The following PUM2 variants were observed in gnomAD, a reference collection of about 807,000 sequenced individuals.
The protein encoded by PUM2 is pumilio homolog 2.
In PUM2, 57 loss-of-function variants were observed where a neutral mutation model predicts 124.5. That is an observed-to-expected ratio of 0.46 (90% CI 0.37 to 0.57). PUM2 has a LOEUF of 0.57. Ranked by LOEUF, PUM2 falls within the 20% of genes least tolerant of loss-of-function variation. PUM2 has a pLI of 0.00. For missense variants in PUM2, 1,065 were observed against 1,290.6 expected, an observed-to-expected ratio of 0.83 and a Z score of 2.68; for synonymous variants, 460 against 446.1, an observed-to-expected ratio of 1.03 and a Z score of -0.39.
intron 12 of PUM2, among the ~76,000 whole-genome samples, chr2:20,280,330 A>T (rs1158008545): frequency 6.6e-6 from 1 of 152,172 alleles, no homozygotes; most frequent in Non-Finnish European, 1.5e-5. Flanking sequence ...AGAAAATACT[A>T]GGTGTCTATA....
At chr2:20,328,744 A>G (rs754194283) in intron 1 of PUM2, among the ~76,000 whole-genome samples, 5 of 152,254 alleles carry the variant, frequency 3.3e-5, no homozygotes, top group African/African-American at 1.2e-4. Flanking sequence ...ACTTGAAAAT[A>G]TATCAACAAG....
chr2:20,310,278 T>C (rs1219651954), intron 5 of PUM2, among the ~76,000 whole-genome samples: 4 of 152,186 alleles, frequency 2.6e-5, no homozygotes, highest in Admixed American at 1.3e-4. Context: ...AAAATTAGAA[T>C]GCTAATAAAT....
intron 13 of PUM2, among the ~76,000 whole-genome samples, chr2:20,274,540 C>T (rs1201371721): frequency 1.3e-5 from 2 of 152,032 alleles, no homozygotes; most frequent in Non-Finnish European, 2.9e-5. Context: ...ATTTTATAAT[C>T]CACAGCAAAC....
intron 10 of PUM2, among the ~76,000 whole-genome samples, chr2:20,285,841 T>C (rs1420217379): frequency 2.0e-5 from 3 of 152,264 alleles, no homozygotes; most frequent in African/African-American, 2.4e-5. Flanking sequence ...GGAAAGTGGA[T>C]AGAAGTTATT....
At chr2:20,324,862 T>A (rs1265166639) in intron 2 of PUM2, among the ~76,000 whole-genome samples, 1 of 151,344 alleles carries the variant, frequency 6.6e-6, no homozygotes, top group Non-Finnish European at 1.5e-5. Context: ...TTACAACACT[T>A]AAGACAACAG....
chr2:20,318,740 GT>G, intron 2 of PUM2, 95 bp from the exon 3 acceptor site: 1 of 756,836 alleles, frequency 1.3e-6, no homozygotes, highest in Non-Finnish European at 2.1e-6. Flanking sequence ...GTATACATTA[GT>G]TTTCAATGCT....
intron 13 of PUM2, among the ~76,000 whole-genome samples, chr2:20,270,017 G>A (rs539819605): frequency 5.3e-5 from 8 of 152,032 alleles, no homozygotes; most frequent in African/African-American, 1.9e-4. Flanking sequence ...ATCAAAAGGG[G>A]GTAATGTATA....
At chr2:20,292,562 A>G (rs2148191251) in intron 9 of PUM2, among the ~76,000 whole-genome samples, 1 of 152,086 alleles carries the variant, frequency 6.6e-6, no homozygotes, top group East Asian at 2.0e-4. Flanking sequence ...GGGTTTCACC[A>G]TTTTGGCCAG....
intron 1 of PUM2, among the ~76,000 whole-genome samples, chr2:20,333,859 G>C (rs534716181): frequency 6.6e-6 from 1 of 152,068 alleles, no homozygotes; most frequent in African/African-American, 2.4e-5. Context: ...TCTCATGAAT[G>C]GATTATTGCC....
intron 12 of PUM2, among the ~76,000 whole-genome samples, chr2:20,281,368 A>G (rs1162617080): frequency 1.3e-5 from 2 of 152,208 alleles, no homozygotes; most frequent in African/African-American, 4.8e-5. Flanking sequence ...GCCTTAACTA[A>G]GAAACAAATG....
intron 1 of PUM2, among the ~76,000 whole-genome samples, chr2:20,333,353 A>T (rs1226745175): frequency 6.6e-6 from 1 of 151,870 alleles, no homozygotes; most frequent in Non-Finnish European, 1.5e-5. Context: ...TTGGCAACAT[A>T]GGGAGACCTA....
At chr2:20,325,111 T>A (rs1489178743) in intron 2 of PUM2, among the ~76,000 whole-genome samples, 1 of 152,014 alleles carries the variant, frequency 6.6e-6, no homozygotes, top group Non-Finnish European at 1.5e-5. Context: ...TCCCAGAAGG[T>A]TCCTTGCTGC....
At chr2:20,261,395 A>AAAAAAG (rs1491157183) in intron 14 of PUM2, among the ~76,000 whole-genome samples, 1 of 35,464 alleles carries the variant, frequency 2.8e-5, no homozygotes, top group African/African-American at 1.2e-4. Context: ...CTCTGTCTCC[A>AAAAAAG]AAAAAAAAAA....
At chr2:20,299,381 T>C (rs1005137955) in intron 7 of PUM2, among the ~76,000 whole-genome samples, 1 of 151,984 alleles carries the variant, frequency 6.6e-6, no homozygotes, top group Non-Finnish European at 1.5e-5. Context: ...AACAAGGTTT[T>C]AGGCCAGGCA....
chr2:20,317,355 G>C (rs1247699343), intron 3 of PUM2, among the ~76,000 whole-genome samples: 3 of 152,080 alleles, frequency 2.0e-5, no homozygotes, highest in Non-Finnish European at 4.4e-5. Flanking sequence ...AACATTTAAA[G>C]ATCTGCTCCC....
intron 7 of PUM2, among the ~76,000 whole-genome samples, chr2:20,302,252 A>T (rs766221743): frequency 6.6e-5 from 10 of 152,170 alleles, no homozygotes; most frequent in Non-Finnish European, 8.8e-5. Flanking sequence ...ACATTTCTAG[A>T]TTATTTTCCA....
At chr2:20,265,758 C>G (rs1256237927) in intron 13 of PUM2, among the ~76,000 whole-genome samples, 3 of 152,206 alleles carry the variant, frequency 2.0e-5, no homozygotes, top group African/African-American at 7.2e-5. Flanking sequence ...ACCTAGTTTT[C>G]AAGTCATTAA....
At chr2:20,334,701 C>T (rs1685616998) in intron 1 of PUM2, among the ~76,000 whole-genome samples, 1 of 152,166 alleles carries the variant, frequency 6.6e-6, no homozygotes, top group South Asian at 2.1e-4. Context: ...GGACAATGAA[C>T]AAGGCTTTCG....
intron 8 of PUM2, among the ~76,000 whole-genome samples, chr2:20,295,957 C>T (rs1453255400): frequency 1.3e-5 from 2 of 152,126 alleles, no homozygotes; most frequent in Non-Finnish European, 2.9e-5. Context: ...AATGCTTATA[C>T]ACAAACTAAA....
Sources: gnomAD v4.1 joint callset for allele counts (sites outside exome capture counted in the v4.1 genomes callset) on GRCh38, gnomAD v4.1.1 for gene constraint, MANE v1.5 for transcripts, NCBI Gene and HGNC (gene_info 2026-07-23, HGNC 2026-07-21) for gene names.